GABRG3: variants seen among roughly 807,000 people sequenced by gnomAD.
GABRG3 encodes the protein gamma-aminobutyric acid receptor subunit gamma-3.
In GABRG3, 25 loss-of-function variants were observed where a neutral mutation model predicts 48.8. That is an observed-to-expected ratio of 0.51 (90% CI 0.37 to 0.72). The LOEUF (loss-of-function observed/expected upper bound fraction) is 0.72, where lower values mean the gene tolerates loss of function less well. Among genes scored for constraint, GABRG3 ranks in the 30% least tolerant of loss-of-function variants. GABRG3 has a pLI of 0.00. For synonymous variants in GABRG3, 227 were observed against 217.6 expected, an observed-to-expected ratio of 1.04 and a Z score of -0.38; for missense variants, 394 against 577.9, an observed-to-expected ratio of 0.68 and a Z score of 3.26.
chr15:27,157,372 A>C (rs1245815033), intron 3 of GABRG3, among the ~76,000 whole-genome samples: 2 of 152,238 alleles, frequency 1.3e-5, no homozygotes, highest in Non-Finnish European at 2.9e-5. Flanking sequence ...AAATACAGGA[A>C]TCATAAGCTG....
intron 5 of GABRG3, among the ~76,000 whole-genome samples, chr15:27,386,269 C>A (rs114518045): frequency 6.6e-6 from 1 of 152,242 alleles, no homozygotes; most frequent in African/African-American, 2.4e-5. Context: ...CCTTTGCTGT[C>A]GGATTTTTAA....
Position 27,338,523 on chromosome 15 carries a change from G to A in GABRG3, c.574+9635G>A, listed in dbSNP as rs545362905. Among the ~76,000 whole-genome samples the A allele has an allele frequency of 5.3e-5, 8 of 152,248 alleles. No individual in the cohort carries two copies. In the South Asian group the frequency reaches 8.3e-4, roughly 16 times the overall value. ...AAGTTTGATTCAGACGCTGGTTCAC[G>A]GCACTCGCATCCTTCCAGGCCACAG... On this transcript the variant is annotated intron_variant, in intron 5 of 9. Coordinates refer to ENST00000615808, the MANE Select transcript of GABRG3 (RefSeq NM_033223.5).
chr15:27,486,555 G>A (rs1351884918), intron 6 of GABRG3, among the ~76,000 whole-genome samples: 1 of 152,182 alleles, frequency 6.6e-6, no homozygotes, highest in Non-Finnish European at 1.5e-5. Context: ...AGTGCCCACT[G>A]GGAGGGAGGG....
At chr15:27,461,267 G>A (rs1183003424) in intron 5 of GABRG3, among the ~76,000 whole-genome samples, 3 of 152,262 alleles carry the variant, frequency 2.0e-5, no homozygotes, top group Non-Finnish European at 2.9e-5. Context: ...CCACATGTGT[G>A]CGTTATTTTT....
At chr15:27,021,841 T>C (rs1227989948) in intron 2 of GABRG3, among the ~76,000 whole-genome samples, 2 of 152,118 alleles carry the variant, frequency 1.3e-5, no homozygotes, top group Non-Finnish European at 2.9e-5. Context: ...AGACCCTGCC[T>C]CAAAATAAAT....
At chr15:27,518,895 AC>A (rs1160874741) in intron 6 of GABRG3, among the ~76,000 whole-genome samples, 10 of 152,158 alleles carry the variant, frequency 6.6e-5, no homozygotes, top group Admixed American at 4.6e-4. Context: ...AGCAAAAAGG[AC>A]TGGTCATTAG....
At position 27,074,983 on chromosome 15, in the gene GABRG3, T is replaced by A. The variant is rs1896886625; in HGVS notation, c.270+48162T>A. ...CATCAGTTTTAAGTAATAGTTGTGG[T>A]CAGACTTAACAGCCTACATTCAAAG... On this transcript the variant is annotated intron_variant, in intron 3 of 9. Coordinates refer to ENST00000615808, the MANE Select transcript of GABRG3 (RefSeq NM_033223.5). Among the ~76,000 whole-genome samples the A allele has an allele frequency of 1.3e-5, 2 of 152,214 alleles. 1 individual carries two copies. Among genetic ancestry groups the A allele is most frequent in the Admixed American group, 1.3e-4 (2 of 15,280 alleles).
chr15:27,310,145 T>C lies in GABRG3; in HGVS notation c.271-16664T>C, dbSNP rs530432077. Among the ~76,000 whole-genome samples the C allele has an allele frequency of 6.6e-5, 10 of 152,022 alleles. No individual in the cohort carries two copies. In the South Asian group the frequency reaches 1.9e-3, roughly 28 times the overall value. On this transcript the variant is annotated intron_variant, in intron 3 of 9. Coordinates refer to ENST00000615808, the MANE Select transcript of GABRG3 (RefSeq NM_033223.5). Reference sequence around the variant, plus strand: ...AGTCACACACAGAAAAGTAGAAGGATGGAGAAGTGATCAGTGGTTGGCAGC... The same window carrying C: ...AGTCACACACAGAAAAGTAGAAGGACGGAGAAGTGATCAGTGGTTGGCAGC...
chr15:27,070,563 A>G (rs919777393), intron 3 of GABRG3, among the ~76,000 whole-genome samples: 1 of 152,218 alleles, frequency 6.6e-6, no homozygotes, highest in African/African-American at 2.4e-5. Flanking sequence ...ATTTGGAAGA[A>G]TATTTGGTCA....
At position 27,186,778 on chromosome 15, in the gene GABRG3, C is replaced by T. The variant is rs532432975; in HGVS notation, c.271-140031C>T. Among the ~76,000 whole-genome samples the T allele has an allele frequency of 6.8e-3, 1,032 of 152,096 alleles. 14 individuals are homozygous for T. Among genetic ancestry groups the T allele is most frequent in the African/African-American group, 0.024 (1,000 of 41,508 alleles). ...ACAAGTGATGTTGGGCATTTTTTCA[C>T]GTTTGGTGTCTTCTTTTACAAAGTG... On this transcript the variant is annotated intron_variant, in intron 3 of 9. Coordinates refer to ENST00000615808, the MANE Select transcript of GABRG3 (RefSeq NM_033223.5).
chr15:27,284,213 T>G (rs1293752260), intron 3 of GABRG3, among the ~76,000 whole-genome samples: 1 of 152,224 alleles, frequency 6.6e-6, no homozygotes, highest in African/African-American at 2.4e-5. Context: ...TCTTCCTTTC[T>G]ATTAACAACT....
chr15:27,391,508 TACTA>T (rs959171685), intron 5 of GABRG3, among the ~76,000 whole-genome samples: 2 of 152,134 alleles, frequency 1.3e-5, no homozygotes, highest in Non-Finnish European at 2.9e-5. Context: ...AATACCTACT[TACTA>T]GGAACTGTTC....
chr15:27,120,727 C>T (rs1449661303), intron 3 of GABRG3, among the ~76,000 whole-genome samples: 3 of 152,092 alleles, frequency 2.0e-5, no homozygotes, highest in Admixed American at 6.6e-5. Flanking sequence ...TGAAGGCCAT[C>T]TTCTTGTTAT....
chr15:27,279,652 C>T (rs1360209922), intron 3 of GABRG3, among the ~76,000 whole-genome samples: 2 of 152,174 alleles, frequency 1.3e-5, no homozygotes, highest in Non-Finnish European at 2.9e-5. Context: ...ACCACACGGT[C>T]TTGATTACTG....
At chr15:27,470,527 CT>C (rs112693265) in intron 5 of GABRG3, among the ~76,000 whole-genome samples, 1,456 of 143,132 alleles carry the variant, frequency 0.01, 11 homozygotes, top group African/African-American at 0.021. Context: ...GGGTGTAATC[CT>C]TTTTTTTTTT....
rs1222929043 is a variant in GABRG3 at position 27,105,386 on chromosome 15, C to G, written c.270+78565C>G. On this transcript the variant is annotated intron_variant, in intron 3 of 9. Coordinates refer to ENST00000615808, the MANE Select transcript of GABRG3 (RefSeq NM_033223.5). ...TCCTGAATTGTCAAGCAGATTTGAT[C>G]AGCCAATCAACCAACAAGATCTAGG... is the stretch of plus-strand genomic sequence containing the variant. Among the ~76,000 whole-genome samples the G allele has an allele frequency of 2.0e-5, 3 of 152,220 alleles. No individual in the cohort carries two copies. In the East Asian group the frequency reaches 5.8e-4, roughly 29 times the overall value.
At chr15:27,191,350 T>C (rs370268738) in intron 3 of GABRG3, among the ~76,000 whole-genome samples, 1 of 152,186 alleles carries the variant, frequency 6.6e-6, no homozygotes, top group South Asian at 2.1e-4. Flanking sequence ...TATTACTGCG[T>C]GGGAGTCTAA....
chr15:27,073,131 C>A (rs2140736305), intron 3 of GABRG3, among the ~76,000 whole-genome samples: 1 of 152,318 alleles, frequency 6.6e-6, no homozygotes, highest in Non-Finnish European at 1.5e-5. Flanking sequence ...CACACCCATC[C>A]AAAGCATGAT....
intron 3 of GABRG3, among the ~76,000 whole-genome samples, chr15:27,110,108 T>C (rs527737093): frequency 6.6e-6 from 1 of 152,326 alleles, no homozygotes; most frequent in South Asian, 2.1e-4. Context: ...TCTCTTTTTC[T>C]CTCTTGTTTC....
Sources: allele counts gnomAD v4.1 joint callset (sites outside exome capture counted in the v4.1 genomes callset), GRCh38; gene constraint gnomAD v4.1.1; transcripts MANE v1.5; gene names NCBI Gene and HGNC (gene_info 2026-07-23, HGNC 2026-07-21).